GARIN1A: variants seen among roughly 807,000 people sequenced by gnomAD.
GARIN1A encodes golgi associated RAB2 interactor 1A.
At chr7:128,707,558 C>G in the GARIN1A span, among the ~76,000 whole-genome samples, 1 of 152,122 alleles carries the variant, frequency 6.6e-6, no homozygotes, top group Non-Finnish European at 1.5e-5. Context: ...CCTCAATCTC[C>G]TGGCTTCAAG....
chr7:128,706,318 A>T, the GARIN1A span, among the ~76,000 whole-genome samples: 1 of 152,258 alleles, frequency 6.6e-6, no homozygotes, highest in Non-Finnish European at 1.5e-5. Context: ...AGAGTGGAAG[A>T]TGGTATTTGG....
At chr7:128,677,682 A>T in the GARIN1A span, 2 of 1,613,760 alleles carry the variant, frequency 1.2e-6, no homozygotes, top group Non-Finnish European at 1.7e-6. Context: ...ACACCCAGAG[A>T]TTGTGTTTCA....
At chr7:128,701,083 A>G in the GARIN1A span, among the ~76,000 whole-genome samples, 1 of 151,552 alleles carries the variant, frequency 6.6e-6, no homozygotes, top group Non-Finnish European at 1.5e-5. Flanking sequence ...TATTTCACAT[A>G]ATGCATTTGG....
chr7:128,672,651 G>C, the GARIN1A span: 2 of 656,878 alleles, frequency 3.0e-6, no homozygotes, highest in East Asian at 3.6e-5. Context: ...CCTGGGGGAG[G>C]GGGGGGCGGG....
chr7:128,677,869 G>C, the GARIN1A span: 1 of 1,404,086 alleles, frequency 7.1e-7, no homozygotes, highest in Non-Finnish European at 9.7e-7. Context: ...AAGTATATAT[G>C]TAAGTGTCTG....
chr7:128,707,604 G>T, the GARIN1A span, among the ~76,000 whole-genome samples: 1 of 151,882 alleles, frequency 6.6e-6, no homozygotes, highest in Non-Finnish European at 1.5e-5. Context: ...CACAGGCCCT[G>T]CTAATTTTTA....
chr7:128,693,604 G>A, the GARIN1A span: 1 of 152,912 alleles, frequency 6.5e-6, no homozygotes, highest in Non-Finnish European at 1.5e-5. Flanking sequence ...GCATGCCAGA[G>A]CTGCCCAAAC....
At chr7:128,702,791 T>G in the GARIN1A span, among the ~76,000 whole-genome samples, 201 of 152,242 alleles carry the variant, frequency 1.3e-3, no homozygotes, top group South Asian at 3.3e-3. Flanking sequence ...CCAAACTGTA[T>G]GCAATCTACA....
the GARIN1A span, chr7:128,672,365 A>C: frequency 6.3e-7 from 1 of 1,583,416 alleles, no homozygotes; most frequent in Non-Finnish European, 8.6e-7. Context: ...GGAGCCCCAG[A>C]AATGTTCCCA....
chr7:128,673,916 C>CT, the GARIN1A span, among the ~76,000 whole-genome samples: 21 of 151,336 alleles, frequency 1.4e-4, no homozygotes, highest in South Asian at 1.9e-3. Flanking sequence ...TTAATGTGTG[C>CT]TTTTTTTTTG....
At chr7:128,682,458 C>T in the GARIN1A span, among the ~76,000 whole-genome samples, 3 of 152,312 alleles carry the variant, frequency 2.0e-5, no homozygotes, top group East Asian at 1.9e-4. Context: ...TTTCTCTCCT[C>T]GGGTTGCCCT....
the GARIN1A span, among the ~76,000 whole-genome samples, chr7:128,694,305 G>T: frequency 6.6e-6 from 1 of 152,156 alleles, no homozygotes; most frequent in Non-Finnish European, 1.5e-5. Context: ...GCTGAGGCGG[G>T]CGGATCACTT....
At chr7:128,695,259 G>A in the GARIN1A span, among the ~76,000 whole-genome samples, 59 of 152,308 alleles carry the variant, frequency 3.9e-4, no homozygotes, top group South Asian at 1.0e-3. The surrounding 1 kb of genome is among the most constrained non-coding windows in gnomAD (Gnocchi z 4.5). Context: ...TCTATGGACT[G>A]TATCAAGGGA....
the GARIN1A span, among the ~76,000 whole-genome samples, chr7:128,695,462 C>T: frequency 6.6e-6 from 1 of 152,234 alleles, no homozygotes; most frequent in Non-Finnish European, 1.5e-5. This position sits in a 1 kb window ranked among gnomAD's most constrained non-coding sequence, Gnocchi z 4.5. Context: ...GGTCTGAATA[C>T]AGCATCTTCA....
chr7:128,690,889 G>A, the GARIN1A span: 2 of 152,148 alleles, frequency 1.3e-5, no homozygotes, highest in Admixed American at 6.5e-5. Context: ...AGAGGACTCT[G>A]CTAAATACAT....
chr7:128,672,534 A>G, the GARIN1A span: 17 of 1,609,804 alleles, frequency 1.1e-5, no homozygotes, highest in Non-Finnish European at 1.4e-5. Context: ...GTGGTGTTTG[A>G]AAGCAACTTT....
chr7:128,706,420 C>T, the GARIN1A span, among the ~76,000 whole-genome samples: 12 of 152,184 alleles, frequency 7.9e-5, no homozygotes, highest in East Asian at 5.8e-4. Context: ...AACACACACA[C>T]GCACACACAT....
At chr7:128,692,699 G>A in the GARIN1A span, among the ~76,000 whole-genome samples, 8 of 152,340 alleles carry the variant, frequency 5.3e-5, no homozygotes, top group African/African-American at 1.9e-4. Context: ...CTTCATAAAT[G>A]CCTTTGTAAG....
the GARIN1A span, among the ~76,000 whole-genome samples, chr7:128,680,726 G>A: frequency 7.9e-5 from 12 of 151,872 alleles, no homozygotes; most frequent in South Asian, 2.1e-4. Flanking sequence ...CACCACACCC[G>A]GCTAATTTTT....
Sources: gnomAD v4.1 joint callset for allele counts (sites outside exome capture counted in the v4.1 genomes callset) on GRCh38, gnomAD v4.1.1 for gene constraint, Gnocchi (gnomAD v3.1) non-coding constraint, MANE v1.5 for transcripts, NCBI Gene and HGNC (gene_info 2026-07-23, HGNC 2026-07-21) for gene names.